The following SYT9 variants were observed in gnomAD, a reference collection of about 807,000 sequenced individuals.
SYT9 encodes synaptotagmin-9.
SYT9 carries 22 observed loss-of-function variants against 48.4 expected under a neutral mutation model. That is an observed-to-expected ratio of 0.45 (90% CI 0.32 to 0.65). SYT9 has a LOEUF of 0.65. SYT9 is among the 30% of genes least tolerant of loss of function. The pLI is 0.03. For missense variants in SYT9, 577 were observed against 622.0 expected (o/e 0.93, Z 0.77); for synonymous variants, 265 against 245.0 (o/e 1.08, Z -0.76).
chr11:7,239,688 T>C (rs1847720684), intron 1 of SYT9, among the ~76,000 whole-genome samples: 1 of 152,074 alleles, frequency 6.6e-6, no homozygotes, highest in Non-Finnish European at 1.5e-5. Flanking sequence ...TGATGGTGGT[T>C]CGTATTAGGG....
intron 1 of SYT9, among the ~76,000 whole-genome samples, chr11:7,257,384 AAAAC>A (rs945559891): frequency 3.3e-5 from 5 of 152,164 alleles, no homozygotes; most frequent in African/African-American, 1.2e-4. Flanking sequence ...GAGAGGGGAA[AAAAC>A]AAACAAATCA....
intron 6 of SYT9, among the ~76,000 whole-genome samples, chr11:7,450,716 C>A (rs1848031321): frequency 6.6e-6 from 1 of 152,202 alleles, no homozygotes; most frequent in South Asian, 2.1e-4. Context: ...ATTTTATCAT[C>A]AAGATGAATC....
chr11:7,468,536 G>C lies in SYT9; in HGVS notation c.*1736G>C, dbSNP rs1450235756. ...CATTCAGACATCCTCCACCATACCA[G>C]TGTTTAGAAGCAAAACATGAAGGGC... On this transcript the variant is annotated 3_prime_UTR_variant, in exon 7 of 7. Transcript: ENST00000318881. 5.2e-6 allele frequency: 2 copies of C among 387,956 alleles called. No individual in the cohort carries two copies. Among genetic ancestry groups the C allele is most frequent in the African/African-American group, 2.1e-5 (1 of 48,384 alleles). 24.0% of individuals were successfully genotyped at this position (387,956 alleles called of 1,614,324 possible). A position where few individuals can be genotyped will look rare whatever the true frequency, so the allele number is the denominator to read the frequency against.
At chr11:7,324,856 T>G (rs1164080823) in intron 3 of SYT9, among the ~76,000 whole-genome samples, 1 of 152,082 alleles carries the variant, frequency 6.6e-6, no homozygotes, top group African/African-American at 2.4e-5. Flanking sequence ...TATGTCTCAC[T>G]CATATCTACA....
intron 6 of SYT9, chr11:7,427,224 AG>A (rs1419275388): frequency 6.6e-6 from 1 of 152,230 alleles, no homozygotes; most frequent in Non-Finnish European, 1.5e-5. Context: ...AAAGGTATTG[AG>A]AATGGATTTG....
intron 3 of SYT9, among the ~76,000 whole-genome samples, chr11:7,328,544 A>G (rs1849475630): frequency 6.6e-6 from 1 of 152,104 alleles, no homozygotes; most frequent in Admixed American, 6.6e-5. Context: ...CTTTGACTCC[A>G]GTTACCTCCA....
In SYT9 at chr11:7,350,710, G is replaced by A. The variant is rs573231289; in HGVS notation, c.1044+36769G>A. On this transcript the variant is annotated intron_variant, in intron 3 of 6. Coordinates refer to ENST00000318881, the MANE Select transcript of SYT9 (RefSeq NM_175733.4). ...TGCCCACTGCCACAGCTCCTTCTTT[G>A]GTGACTGGCATTGCTATTGCCACCA... is the stretch of plus-strand genomic sequence containing the variant. 3.3e-5 allele frequency among the ~76,000 whole-genome samples: 5 copies of A among 152,128 alleles called. No homozygotes were observed. In the East Asian group the frequency reaches 9.6e-4, roughly 29 times the overall value.
At chr11:7,238,903 C>T (rs1472975944) in exon 1 of SYT9, 1 of 456,062 alleles carries the variant, frequency 2.2e-6, no homozygotes, top group South Asian at 1.5e-5. Context: ...ATTTAGCTTT[C>T]AAAGGAGGCA....
intron 1 of SYT9, among the ~76,000 whole-genome samples, chr11:7,244,904 A>G (rs1460307522): frequency 6.6e-6 from 1 of 152,236 alleles, no homozygotes; most frequent in Admixed American, 6.5e-5. Context: ...AGCCTGAGGC[A>G]CAGAGAGAGC....
intron 3 of SYT9, among the ~76,000 whole-genome samples, chr11:7,315,034 C>G (rs1436400437): frequency 1.3e-5 from 2 of 152,226 alleles, no homozygotes; most frequent in African/African-American, 4.8e-5. Context: ...GGGACACCTT[C>G]TCTCCACATG....
intron 3 of SYT9, among the ~76,000 whole-genome samples, chr11:7,318,167 G>A (rs1485020659): frequency 6.6e-6 from 1 of 152,002 alleles, no homozygotes; most frequent in Non-Finnish European, 1.5e-5. Flanking sequence ...GATCTTGCAT[G>A]TCTCTTGTTA....
chr11:7,330,605 T>G (rs916100312), intron 3 of SYT9, among the ~76,000 whole-genome samples: 1 of 152,164 alleles, frequency 6.6e-6, no homozygotes, highest in Non-Finnish European at 1.5e-5. Context: ...AGATATAGAA[T>G]AGATAAGAAT....
intron 6 of SYT9, among the ~76,000 whole-genome samples, chr11:7,443,863 A>G (rs771019431): frequency 3.3e-5 from 5 of 152,268 alleles, no homozygotes; most frequent in Non-Finnish European, 7.3e-5. Flanking sequence ...GATTTTGCAT[A>G]ACTATTCAGG....
intron 1 of SYT9, among the ~76,000 whole-genome samples, chr11:7,271,597 G>A (rs1484194856): frequency 1.3e-5 from 2 of 152,020 alleles, no homozygotes; most frequent in African/African-American, 2.4e-5. Context: ...TGTTTTTTGA[G>A]ATGGAGTCTT....
intron 1 of SYT9, among the ~76,000 whole-genome samples, chr11:7,279,168 G>A (rs1370386154): frequency 6.6e-6 from 1 of 152,068 alleles, no homozygotes; most frequent in Non-Finnish European, 1.5e-5. Context: ...TTGTGAGCTT[G>A]GTGTCCATCT....
intron 3 of SYT9, among the ~76,000 whole-genome samples, chr11:7,340,735 C>A (rs1849698687): frequency 6.6e-6 from 1 of 152,226 alleles, no homozygotes; most frequent in African/African-American, 2.4e-5. Flanking sequence ...TGCAAGACAG[C>A]AAAGATGGTA....
chr11:7,282,660 G>T (rs543898224), intron 1 of SYT9, among the ~76,000 whole-genome samples: 1 of 152,110 alleles, frequency 6.6e-6, no homozygotes, highest in Non-Finnish European at 1.5e-5. Context: ...CCAACCTGGA[G>T]TAGCCTGTAG....
chr11:7,389,293 A>G (rs1344980064), intron 3 of SYT9, among the ~76,000 whole-genome samples: 1 of 152,090 alleles, frequency 6.6e-6, no homozygotes, highest in African/African-American at 2.4e-5. Context: ...AAAAATATTG[A>G]GGAGACTGGG....
chr11:7,404,811 C>T (rs1404025756), intron 3 of SYT9, among the ~76,000 whole-genome samples: 4 of 152,008 alleles, frequency 2.6e-5, no homozygotes, highest in African/African-American at 9.7e-5. Flanking sequence ...CACCAAACAA[C>T]CTAAGAAAAG....
Sources: gnomAD v4.1 joint callset for allele counts (sites outside exome capture counted in the v4.1 genomes callset) on GRCh38, gnomAD v4.1.1 for gene constraint, MANE v1.5 for transcripts, NCBI Gene and HGNC (gene_info 2026-07-23, HGNC 2026-07-21) for gene names.